Variants in PAK3 observed in about 807,000 individuals in gnomAD.
The protein encoded by PAK3 is p21 (RAC1) activated kinase 3, also known as serine/threonine-protein kinase PAK 3.
In PAK3, 4 loss-of-function variants were observed where a neutral mutation model predicts 41.0. That is an observed-to-expected ratio of 0.10 (90% CI 0.05 to 0.22). The LOEUF is 0.22. Ranked by LOEUF, PAK3 falls within the 10% of genes least tolerant of loss-of-function variation. The pLI, the probability that PAK3 is intolerant of heterozygous loss-of-function variation, is 1.00. For missense variants in PAK3, 205 were observed against 409.9 expected (o/e 0.50, Z 4.32); for synonymous variants, 146 against 139.6 (o/e 1.05, Z -0.32).
chrX:111,081,464 C>T (rs111736528), intron 1 of PAK3, among the ~76,000 whole-genome samples: 5,099 of 110,672 alleles, frequency 0.046, 289 homozygotes, highest in African/African-American at 0.16. Context: ...GTGAATGAAA[C>T]ACTGCATTCC....
chrX:111,069,189 A>G (rs2092723709), intron 1 of PAK3, among the ~76,000 whole-genome samples: 1 of 112,137 alleles, frequency 8.9e-6, no homozygotes, highest in Non-Finnish European at 1.9e-5. Flanking sequence ...ACGTTTGGAA[A>G]GAAGGTGTTT....
chrX:111,025,956 C>T (rs2092264059), intron 1 of PAK3, among the ~76,000 whole-genome samples: 1 of 111,172 alleles, frequency 9.0e-6, no homozygotes, highest in Non-Finnish European at 1.9e-5. Flanking sequence ...GATAATCCAC[C>T]ATGATCAAGT....
At chrX:111,069,816 C>T (rs1348878357) in intron 1 of PAK3, among the ~76,000 whole-genome samples, 1 of 111,453 alleles carries the variant, frequency 9.0e-6, no homozygotes, top group Non-Finnish European at 1.9e-5. Flanking sequence ...GACTCCAGAA[C>T]AGTGTTTCCT....
intron 1 of PAK3, among the ~76,000 whole-genome samples, chrX:111,066,510 C>T (rs185435599): frequency 4.6e-4 from 51 of 111,530 alleles, no homozygotes; most frequent in African/African-American, 1.6e-3. Context: ...GAGTATGTTC[C>T]ATGTGCAGAT....
At chrX:111,184,928 C>T (rs2094495343) in intron 11 of PAK3, among the ~76,000 whole-genome samples, 1 of 111,449 alleles carries the variant, frequency 9.0e-6, no homozygotes, top group African/African-American at 3.3e-5. Flanking sequence ...AATGGGATTG[C>T]TGGGTCAAAT....
At chrX:111,196,327 C>A in intron 15 of PAK3, 117 bp from the exon 16 acceptor site, 1 of 589,018 alleles carries the variant, frequency 1.7e-6, no homozygotes, top group Non-Finnish European at 2.9e-6. Context: ...AAGGTATGAG[C>A]TAGGCAGTTG....
chrX:111,089,721 G>A (rs759705565), intron 1 of PAK3, among the ~76,000 whole-genome samples: 13 of 111,098 alleles, frequency 1.2e-4, no homozygotes, highest in African/African-American at 4.3e-4. Flanking sequence ...GTATAAGGAA[G>A]GAGTGGTGGG....
chrX:110,959,402 A>G (rs2090932365), intron 1 of PAK3, among the ~76,000 whole-genome samples: 1 of 111,098 alleles, frequency 9.0e-6, no homozygotes, highest in Non-Finnish European at 1.9e-5. Context: ...CTTTCTCTTT[A>G]CACTCTATCC....
At chrX:111,081,891 A>G (rs1312308159) in intron 1 of PAK3, among the ~76,000 whole-genome samples, 2 of 111,531 alleles carry the variant, frequency 1.8e-5, no homozygotes, top group Non-Finnish European at 3.8e-5. Flanking sequence ...GCATGGATAT[A>G]GTTCTAGCTT....
At chrX:111,184,680 T>A (rs2094492839) in intron 11 of PAK3, among the ~76,000 whole-genome samples, 1 of 110,293 alleles carries the variant, frequency 9.1e-6, no homozygotes, top group South Asian at 4.0e-4. Context: ...GTTACTTTGC[T>A]GAGAACGATG....
At chrX:111,079,570 T>C (rs2092817036) in intron 1 of PAK3, among the ~76,000 whole-genome samples, 1 of 112,183 alleles carries the variant, frequency 8.9e-6, no homozygotes, top group Non-Finnish European at 1.9e-5. Context: ...CTGATGGAGA[T>C]GTACAAGGAG....
chrX:111,082,879 C>T (rs750677068), intron 1 of PAK3, among the ~76,000 whole-genome samples: 3 of 111,453 alleles, frequency 2.7e-5, no homozygotes, highest in Non-Finnish European at 3.8e-5. Flanking sequence ...TCAAGGAGCA[C>T]GGATATAGTT....
intron 11 of PAK3, among the ~76,000 whole-genome samples, chrX:111,188,292 T>C (rs2094531017): frequency 9.1e-6 from 1 of 110,176 alleles, no homozygotes; most frequent in Non-Finnish European, 1.9e-5. Flanking sequence ...AATCACAATT[T>C]TAGCCCTCAG....
chrX:111,039,530 A>T (rs1474801222), intron 1 of PAK3, among the ~76,000 whole-genome samples: 2 of 111,897 alleles, frequency 1.8e-5, no homozygotes, highest in Admixed American at 9.5e-5. Context: ...CTCACTAAAG[A>T]CCAGAAGAAG....
chrX:111,183,375 T>C (rs996361161), intron 11 of PAK3, among the ~76,000 whole-genome samples: 3 of 111,589 alleles, frequency 2.7e-5, no homozygotes, highest in Non-Finnish European at 5.7e-5. Context: ...TATATGGGGT[T>C]TAATCCTTGA....
intron 1 of PAK3, among the ~76,000 whole-genome samples, chrX:110,993,819 T>C (rs769548924): frequency 5.4e-5 from 6 of 111,773 alleles, no homozygotes; most frequent in Non-Finnish European, 9.4e-5. Context: ...TACATAAGTA[T>C]ACAAAATACA....
At chrX:111,155,388 C>G (rs1396289921) in intron 8 of PAK3, among the ~76,000 whole-genome samples, 2 of 109,015 alleles carry the variant, frequency 1.8e-5, no homozygotes, top group Non-Finnish European at 3.8e-5. Flanking sequence ...GCAGTCCCAA[C>G]TACTTTGGAG....
At chrX:111,137,382 T>A (rs1029724508) in intron 5 of PAK3, among the ~76,000 whole-genome samples, 3 of 111,021 alleles carry the variant, frequency 2.7e-5, no homozygotes, top group Non-Finnish European at 5.7e-5. Flanking sequence ...TATAAATACC[T>A]GAGGAGTTTT....
intron 16 of PAK3, among the ~76,000 whole-genome samples, chrX:111,214,831 G>A (rs981171202): frequency 5.1e-4 from 57 of 111,705 alleles, no homozygotes; most frequent in African/African-American, 1.7e-3. Context: ...AGCTAGAGTA[G>A]AGAAAGGGGA....
Sources: gnomAD v4.1 joint callset for allele counts (sites outside exome capture counted in the v4.1 genomes callset) on GRCh38, gnomAD v4.1.1 for gene constraint, MANE v1.5 for transcripts, NCBI Gene and HGNC (gene_info 2026-07-23, HGNC 2026-07-21) for gene names.